Variants in ATP6V1A observed in about 807,000 individuals in gnomAD.
ATP6V1A encodes the protein ATPase H+ transporting V1 subunit A, also known as V-type proton ATPase catalytic subunit A.
In ATP6V1A, 18 loss-of-function variants were observed where a neutral mutation model predicts 70.1. The ratio of observed to expected loss-of-function variants is 0.26; its 90% CI spans 0.18 to 0.38. The LOEUF is 0.38. ATP6V1A is among the 10% of genes least tolerant of loss of function. The probability of loss-of-function intolerance (pLI) is 1.00; values close to 1 mark genes in which losing one functional copy is unlikely to be tolerated. For synonymous variants in ATP6V1A, 232 were observed against 253.8 expected (o/e 0.91, Z 0.82); for missense variants, 424 against 772.4 (o/e 0.55, Z 5.35).
At chr3:113,803,355 C>A (rs1709237140) in intron 12 of ATP6V1A, 1 of 434,856 alleles carries the variant, frequency 2.3e-6, no homozygotes, top group Non-Finnish European at 4.1e-6. Flanking sequence ...GTGAGTATAC[C>A]TAACACTGTT....
intron 2 of ATP6V1A, among the ~76,000 whole-genome samples, chr3:113,779,760 G>GAGAAA (rs1708958242): frequency 6.6e-6 from 1 of 152,144 alleles, no homozygotes; most frequent in South Asian, 2.1e-4. Flanking sequence ...AGAACCTTTA[G>GAGAAA]AGAAAAGGCA....
At chr3:113,766,054 T>C (rs1708767166) in intron 1 of ATP6V1A, among the ~76,000 whole-genome samples, 1 of 152,208 alleles carries the variant, frequency 6.6e-6, no homozygotes, top group Admixed American at 6.5e-5. Context: ...CTTGCGTTTT[T>C]ACATAGGGTC....
chr3:113,801,805 A>T (rs1049684666), intron 12 of ATP6V1A, among the ~76,000 whole-genome samples: 2 of 152,128 alleles, frequency 1.3e-5, no homozygotes, highest in Non-Finnish European at 2.9e-5. Context: ...AATTAAAGAC[A>T]CTTGCACAAA....
Position 113,809,545 on chromosome 3 carries a change from G to A in ATP6V1A, c.*118G>A, listed in dbSNP as rs1343017429. 1.1e-5 allele frequency: 9 copies of A among 803,848 alleles called. No individual in the cohort carries two copies. The highest frequency in any genetic ancestry group is 1.8e-5 in the Non-Finnish European group (9 of 509,828). The allele number at this position is 803,848 out of a possible 1,614,324, so 49.8% of individuals were successfully genotyped here. A position where few individuals can be genotyped will look rare whatever the true frequency, so the allele number is the denominator to read the frequency against. On this transcript the variant is annotated 3_prime_UTR_variant, in exon 15 of 15. Transcript: ENST00000273398. ...TTTATTGTGCAGCTTTGAGACTAGT[G>A]CCTATGTGTGTTATTTGTTTCCCTG...
intron 13 of ATP6V1A, 83 bp from the exon 14 acceptor site, chr3:113,805,271 T>C: frequency 7.5e-7 from 1 of 1,331,496 alleles, no homozygotes; most frequent in Non-Finnish European, 1.0e-6. Context: ...ATAAAGAAAC[T>C]AATGCTCTAG....
chr3:113,798,138 C>CA (rs370636292), intron 11 of ATP6V1A, 105 bp from the exon 12 acceptor site: 8,544 of 1,133,176 alleles, frequency 7.5e-3, no homozygotes, highest in Non-Finnish European at 8.2e-3. Context: ...GTCTCAAAAA[C>CA]AAAAAAAAAA....
chr3:113,748,733 T>C (rs899872034), intron 1 of ATP6V1A, among the ~76,000 whole-genome samples: 1 of 152,234 alleles, frequency 6.6e-6, no homozygotes, highest in Non-Finnish European at 1.5e-5. Flanking sequence ...GAGATGTTGC[T>C]TTCCCCAAGT....
chr3:113,794,999 G>T lies in ATP6V1A; in HGVS notation c.1111+5G>T, dbSNP rs1260100717. 1 of 1,613,588 alleles carries T rather than the reference G, an allele frequency of 6.2e-7. No individual in the cohort carries two copies. The highest frequency in any genetic ancestry group is 8.5e-7 in the Non-Finnish European group (1 of 1,179,840). Reference sequence around the variant, plus strand: ...GTTTAGCTGAAATGCCTGCAGGTAAGTCTGTGTATTGCTTATCATGTAAAC... The same window carrying T: ...GTTTAGCTGAAATGCCTGCAGGTAATTCTGTGTATTGCTTATCATGTAAAC... On this transcript the variant is annotated splice_donor_5th_base_variant and intron_variant, in intron 9 of 14. Transcript: ENST00000273398.
intron 8 of ATP6V1A, among the ~76,000 whole-genome samples, chr3:113,793,068 T>G (rs576971283): frequency 7.2e-5 from 11 of 152,268 alleles, no homozygotes; most frequent in East Asian, 3.9e-4. Context: ...TTTGTTTGTT[T>G]GTTGGTTTTG....
intron 1 of ATP6V1A, among the ~76,000 whole-genome samples, chr3:113,753,106 G>T (rs1161955826): frequency 6.6e-6 from 1 of 152,070 alleles, no homozygotes; most frequent in Non-Finnish European, 1.5e-5. Flanking sequence ...ACCATTGAAA[G>T]AACTCTTTCC....
At chr3:113,792,725 A>G (rs1055693497) in intron 8 of ATP6V1A, among the ~76,000 whole-genome samples, 3 of 152,202 alleles carry the variant, frequency 2.0e-5, no homozygotes, top group Non-Finnish European at 2.9e-5. Context: ...ATAGCCCTTC[A>G]AAAGGGCTAA....
chr3:113,806,891 A>G (rs1162659720), intron 14 of ATP6V1A, among the ~76,000 whole-genome samples: 1 of 152,150 alleles, frequency 6.6e-6, no homozygotes, highest in Non-Finnish European at 1.5e-5. Flanking sequence ...GTTGAATTGT[A>G]TTTATTTCTG....
chr3:113,808,553 A>G (rs1372684128), intron 14 of ATP6V1A, among the ~76,000 whole-genome samples: 4 of 152,016 alleles, frequency 2.6e-5, no homozygotes, highest in Non-Finnish European at 5.9e-5. Flanking sequence ...CGGCCCCCCA[A>G]AGTGCTGGGA....
chr3:113,773,089 C>T (rs2108021204), intron 1 of ATP6V1A, among the ~76,000 whole-genome samples: 1 of 151,986 alleles, frequency 6.6e-6, no homozygotes, highest in South Asian at 2.1e-4. Flanking sequence ...AGGTGCGCGA[C>T]ACCACGCCCG....
At chr3:113,785,207 C>A (rs1021409950) in intron 5 of ATP6V1A, among the ~76,000 whole-genome samples, 1 of 151,968 alleles carries the variant, frequency 6.6e-6, no homozygotes, top group Admixed American at 6.6e-5. Flanking sequence ...TTTGGGAGGG[C>A]GAGATGGGCA....
chr3:113,763,342 C>A (rs1033983932), intron 1 of ATP6V1A, among the ~76,000 whole-genome samples: 3 of 152,230 alleles, frequency 2.0e-5, no homozygotes, highest in Admixed American at 2.0e-4. Flanking sequence ...CCACCTTGGC[C>A]TCCCAAAGTG....
At chr3:113,775,304 A>T (rs1395824691) in intron 1 of ATP6V1A, among the ~76,000 whole-genome samples, 1 of 146,562 alleles carries the variant, frequency 6.8e-6, no homozygotes, top group African/African-American at 2.5e-5. Context: ...GTCTTGGCTC[A>T]CTGCAACCTC....
chr3:113,762,514 G>GC (rs1708716462), intron 1 of ATP6V1A, among the ~76,000 whole-genome samples: 2 of 152,024 alleles, frequency 1.3e-5, no homozygotes, highest in African/African-American at 4.8e-5. Flanking sequence ...GTTGCAGTGA[G>GC]CCGAGATTGC....
intron 1 of ATP6V1A, among the ~76,000 whole-genome samples, chr3:113,770,526 A>C (rs2108019128): frequency 6.6e-6 from 1 of 152,112 alleles, no homozygotes; most frequent in East Asian, 2.0e-4. Context: ...AAAAATGCAA[A>C]AAATTAGCCA....
Sources: gnomAD v4.1 joint callset for allele counts (sites outside exome capture counted in the v4.1 genomes callset) on GRCh38, gnomAD v4.1.1 for gene constraint, MANE v1.5 for transcripts, NCBI Gene and HGNC (gene_info 2026-07-23, HGNC 2026-07-21) for gene names.